The following ALDH7A1 variants were observed in gnomAD, a reference collection of about 807,000 sequenced individuals.
ALDH7A1 encodes the protein aldehyde dehydrogenase 7 family member A1, also known as alpha-aminoadipic semialdehyde dehydrogenase.
ALDH7A1 carries 63 observed loss-of-function variants against 79.9 expected under a neutral mutation model. The ratio of observed to expected loss-of-function variants is 0.79; its 90% CI spans 0.64 to 0.97. The LOEUF (loss-of-function observed/expected upper bound fraction) is 0.97, where lower values mean the gene tolerates loss of function less well. ALDH7A1 is among the 50% of genes least tolerant of loss of function. The probability of loss-of-function intolerance (pLI) is 0.00; values close to 1 mark genes in which losing one functional copy is unlikely to be tolerated. For synonymous variants in ALDH7A1, 240 were observed against 231.2 expected (o/e 1.04, Z -0.34); for missense variants, 627 against 665.2 (o/e 0.94, Z 0.63).
At chr5:126,551,890 C>T in intron 14 of ALDH7A1, 131 bp downstream of exon 14, 1 of 775,676 alleles carries the variant, frequency 1.3e-6, no homozygotes, top group Non-Finnish European at 2.2e-6. Flanking sequence ...TATCCTGAAC[C>T]TTCATATATC....
chr5:126,549,878 G>T (rs771634909), intron 16 of ALDH7A1, 51 bp downstream of exon 16: 6 of 1,549,578 alleles, frequency 3.9e-6, no homozygotes, highest in Non-Finnish European at 5.4e-6. Context: ...AGCTACTACT[G>T]GTTTTTCTTT....
intron 3 of ALDH7A1, among the ~76,000 whole-genome samples, chr5:126,591,327 C>T (rs569252242): frequency 3.9e-5 from 6 of 151,968 alleles, no homozygotes; most frequent in African/African-American, 1.4e-4. Context: ...TACTTCTATC[C>T]ATAATTAAAG....
intron 3 of ALDH7A1, chr5:126,587,452 AC>A (rs1382951626): frequency 1.3e-5 from 2 of 152,070 alleles, no homozygotes; most frequent in African/African-American, 4.8e-5. Flanking sequence ...AGCCTGGCCA[AC>A]GTGGTGAAAC....
chr5:126,585,231 G>C, intron 3 of ALDH7A1, among the ~76,000 whole-genome samples: 1 of 152,318 alleles, frequency 6.6e-6, no homozygotes, highest in East Asian at 1.9e-4. Context: ...CCCGGAGGGG[G>C]AGGTTGCAGG....
chr5:126,560,118 C>T (rs574979530), intron 10 of ALDH7A1, among the ~76,000 whole-genome samples: 46 of 152,146 alleles, frequency 3.0e-4, no homozygotes, highest in Non-Finnish European at 4.1e-4. Flanking sequence ...ACACAGTACC[C>T]GGCAGACACT....
At chr5:126,554,875 G>A (rs75373283) in intron 12 of ALDH7A1, 4,546 of 233,356 alleles carry the variant, frequency 0.019, 81 homozygotes, top group Non-Finnish European at 0.026. Flanking sequence ...TACGGCTGCT[G>A]GGGACTAGAG....
At chr5:126,584,690 G>A (rs1422813158) in intron 3 of ALDH7A1, among the ~76,000 whole-genome samples, 1 of 133,438 alleles carries the variant, frequency 7.5e-6, no homozygotes, top group Non-Finnish European at 1.6e-5. Context: ...GATTGCAGTG[G>A]TAACAAGGGA....
rs954722043 is a variant in ALDH7A1, at chr5:126,544,231, T to C, written c.*734A>G. 6.6e-6 allele frequency: 1 copy of C among 152,668 alleles called. No homozygotes were observed. The highest frequency in any genetic ancestry group is 3.2e-3 in the Middle Eastern group (1 of 316). The allele number at this position is 152,668 out of a possible 1,614,324, so 9.5% of individuals were successfully genotyped here. ...GCCTCGGCCTCTCAAAGTGCTGGGA[T>C]TATAGGCGTAAGCCACCTTGCCCAG... is the stretch of plus-strand genomic sequence containing the variant. On this transcript the variant is annotated 3_prime_UTR_variant, in exon 18 of 18. Coordinates refer to ENST00000409134, the MANE Select transcript of ALDH7A1 (RefSeq NM_001182.5).
chr5:126,552,236 A>G (rs1020721368), intron 13 of ALDH7A1, 99 bp from the exon 14 acceptor site: 10 of 825,042 alleles, frequency 1.2e-5, no homozygotes, highest in Non-Finnish European at 2.0e-5. Flanking sequence ...AAAGAAAAAA[A>G]TTAGCATCAT....
At chr5:126,578,801 G>T (rs1366607472) in intron 5 of ALDH7A1, among the ~76,000 whole-genome samples, 1 of 152,130 alleles carries the variant, frequency 6.6e-6, no homozygotes, top group Non-Finnish European at 1.5e-5. Context: ...GAATACGATG[G>T]TTCACAAATC....
chr5:126,595,122 G>A lies in ALDH7A1; in HGVS notation c.77C>T (p.Ala26Val), dbSNP rs1751701268. Residue 26 changes from alanine to valine, a missense_variant, in exon 1 of 18, where the codon GCC becomes GTC. Coordinates refer to ENST00000409134, the MANE Select transcript of ALDH7A1 (RefSeq NM_001182.5). The part of the protein sequence containing the change: ...SKLSGPWSRP[A>V]AFMSTLLINQ... ...GATGAGGAGAGTGGACATGAAGGCGGCAGGCCTGCTCCAAGGTCCAGAGAG... is the reference window on the plus strand; with the variant it reads ...GATGAGGAGAGTGGACATGAAGGCGACAGGCCTGCTCCAAGGTCCAGAGAG... 7 of 1,579,380 alleles carry A rather than the reference G, an allele frequency of 4.4e-6. No homozygotes were observed. Among genetic ancestry groups the A allele is most frequent in the African/African-American group, 1.4e-5 (1 of 73,866 alleles).
chr5:126,590,337 G>C (rs1425500706), intron 3 of ALDH7A1, among the ~76,000 whole-genome samples: 1 of 152,214 alleles, frequency 6.6e-6, no homozygotes, highest in Non-Finnish European at 1.5e-5. Flanking sequence ...TCTTCTCCAA[G>C]TTTGCATTTT....
In ALDH7A1 at chr5:126,545,265, GTTTT is replaced by G. The variant is rs745764976; in HGVS notation, c.1566-250_1566-247del. ...TACATGGTTTTTTTTGTTGGTGGTGGTTTTTGTTTGTTTGTTTGTTTTGTTTTGA... is the reference window on the plus strand; with the variant it reads ...TACATGGTTTTTTTTGTTGGTGGTGGTGTTTGTTTGTTTGTTTTGTTTTGA... On this transcript the variant is annotated intron_variant, in intron 17 of 17. Transcript: ENST00000409134. 8.6e-5 allele frequency among the ~76,000 whole-genome samples: 13 copies of G among 151,946 alleles called. No individual in the cohort carries two copies. The East Asian group carries it at 1.2e-3, about 14-fold the overall frequency.
intron 3 of ALDH7A1, among the ~76,000 whole-genome samples, chr5:126,591,753 C>G (rs1375625906): frequency 2.0e-5 from 3 of 152,006 alleles, no homozygotes; most frequent in Non-Finnish European, 4.4e-5. Flanking sequence ...AGCCTAGCTC[C>G]CACCTAGTGA....
chr5:126,559,410 T>C (rs1750318168), intron 10 of ALDH7A1, 76 bp from the exon 11 acceptor site: 4 of 1,106,738 alleles, frequency 3.6e-6, no homozygotes, highest in Non-Finnish European at 5.4e-6. Flanking sequence ...TATAAAACAA[T>C]GTTGTTTTTT....
At chr5:126,582,646 A>G (rs1561666881) in intron 5 of ALDH7A1, 1 of 628,402 alleles carries the variant, frequency 1.6e-6, no homozygotes, top group East Asian at 3.1e-5. Flanking sequence ...GCCAACATTA[A>G]GTTTTATCTT....
In ALDH7A1 at chr5:126,577,195, C is replaced by G; in HGVS notation, c.534G>C (p.Leu178=). The change falls in exon 6 of 18, where the codon CTG becomes CTC. Residue 178 remains leucine, a synonymous_variant. Transcript: ENST00000409134. ...ILPSERSGHA[L]IEQWNPVGLV... ...GGCCTACGGGATTCCACTGCTCAAT[C>G]AGTGCATGGCCAGATCCTGAGGACA... is the stretch of plus-strand genomic sequence containing the variant. 1 of 1,614,138 alleles carries G rather than the reference C, an allele frequency of 6.2e-7. No individual in the cohort carries two copies. Among genetic ancestry groups the G allele is most frequent in the Non-Finnish European group, 8.5e-7 (1 of 1,180,032 alleles).
chr5:126,586,685 C>T (rs1751367221), intron 3 of ALDH7A1: 1 of 152,282 alleles, frequency 6.6e-6, no homozygotes, highest in South Asian at 2.1e-4. Flanking sequence ...GGGCTAAGAC[C>T]TAAAGCATGC....
Position 126,543,218 on chromosome 5 carries a change from AAG to A in ALDH7A1, c.*1745_*1746del, listed in dbSNP as rs1002822280. On this transcript the variant is annotated 3_prime_UTR_variant, in exon 18 of 18. Coordinates refer to ENST00000409134, the MANE Select transcript of ALDH7A1 (RefSeq NM_001182.5). ...TCTGCTAAATCAGCAAAAAAGAACA[AAG>A]AGGAACAAATTGAAGGCATATGTTT... The A allele has an allele frequency of 6.6e-6, 1 of 151,952 alleles. No homozygotes were observed. The highest frequency in any genetic ancestry group is 1.5e-5 in the Non-Finnish European group (1 of 68,018). 9.4% of individuals were successfully genotyped at this position (151,952 alleles called of 1,614,324 possible).
Sources: allele counts gnomAD v4.1 joint callset (sites outside exome capture counted in the v4.1 genomes callset), GRCh38; gene constraint gnomAD v4.1.1; transcripts MANE v1.5; gene names NCBI Gene and HGNC (gene_info 2026-07-23, HGNC 2026-07-21).